TAS2R1: variants seen among roughly 807,000 people sequenced by gnomAD.
TAS2R1 encodes taste 2 receptor member 1.
For synonymous variants in TAS2R1, 141 were observed against 134.2 expected (o/e 1.05, Z -0.35); for missense variants, 370 against 353.4 (o/e 1.05, Z -0.38).
the TAS2R1 span, among the ~76,000 whole-genome samples, chr5:9,723,873 G>C: frequency 6.6e-6 from 1 of 152,194 alleles, no homozygotes; most frequent in East Asian, 1.9e-4. Flanking sequence ...AAGGAGTAGC[G>C]CTTGGACATT....
chr5:9,864,275 C>A, the TAS2R1 span, among the ~76,000 whole-genome samples: 4 of 152,172 alleles, frequency 2.6e-5, no homozygotes, highest in African/African-American at 7.2e-5. Context: ...TTCATGCCAA[C>A]TTTCCCACCC....
the TAS2R1 span, among the ~76,000 whole-genome samples, chr5:9,719,201 C>T: frequency 6.6e-6 from 1 of 152,086 alleles, no homozygotes; most frequent in Non-Finnish European, 1.5e-5. Flanking sequence ...GACCATGATA[C>T]ACATAACTTA....
chr5:9,810,293 G>A, the TAS2R1 span, among the ~76,000 whole-genome samples: 2 of 152,076 alleles, frequency 1.3e-5, no homozygotes, highest in Non-Finnish European at 1.5e-5. Flanking sequence ...ACATATTCTC[G>A]TCTCTGAAAA....
At chr5:9,778,568 G>A in the TAS2R1 span, among the ~76,000 whole-genome samples, 1 of 152,208 alleles carries the variant, frequency 6.6e-6, no homozygotes, top group African/African-American at 2.4e-5. Flanking sequence ...ATTTAGTTCA[G>A]TGACATTCAT....
At chr5:9,865,478 T>C in the TAS2R1 span, among the ~76,000 whole-genome samples, 1 of 152,204 alleles carries the variant, frequency 6.6e-6, no homozygotes, top group East Asian at 1.9e-4. Flanking sequence ...TTCATTTCAT[T>C]TCCATTTTCT....
chr5:9,696,327 A>AG (rs986941824), intron 1 of TAS2R1, among the ~76,000 whole-genome samples: 2 of 152,124 alleles, frequency 1.3e-5, no homozygotes, highest in Admixed American at 6.5e-5. Flanking sequence ...TGGGAGCCTG[A>AG]GGGGGGCAGA....
At chr5:9,841,505 G>T in the TAS2R1 span, among the ~76,000 whole-genome samples, 1 of 152,098 alleles carries the variant, frequency 6.6e-6, no homozygotes, top group African/African-American at 2.4e-5. Flanking sequence ...CTCATATCAT[G>T]AGTTGTAATA....
At chr5:9,846,327 T>C in the TAS2R1 span, among the ~76,000 whole-genome samples, 3 of 152,194 alleles carry the variant, frequency 2.0e-5, no homozygotes, top group Non-Finnish European at 4.4e-5. Context: ...GAAAAGTTTT[T>C]GGAGGGCGAC....
chr5:9,669,002 C>T (rs543060537), intron 1 of TAS2R1, among the ~76,000 whole-genome samples: 1 of 152,166 alleles, frequency 6.6e-6, no homozygotes, highest in South Asian at 2.1e-4. Flanking sequence ...CAACTATATG[C>T]TGTCTATAAG....
At chr5:9,748,264 G>C in the TAS2R1 span, among the ~76,000 whole-genome samples, 1 of 152,124 alleles carries the variant, frequency 6.6e-6, no homozygotes, top group Non-Finnish European at 1.5e-5. Context: ...ACGGAGTCTT[G>C]CTCTGTCACC....
intron 1 of TAS2R1, among the ~76,000 whole-genome samples, chr5:9,710,014 G>A (rs756158188): frequency 9.8e-5 from 15 of 152,308 alleles, no homozygotes; most frequent in Non-Finnish European, 1.8e-4. Flanking sequence ...TTTGGTCCAC[G>A]GAGTCTTTTG....
intron 1 of TAS2R1, chr5:9,659,945 A>G (rs1740496554): frequency 6.6e-6 from 1 of 152,192 alleles, no homozygotes; most frequent in South Asian, 2.1e-4. Context: ...AAGACTGGGT[A>G]ATGAATAACA....
At chr5:9,704,259 GCATTACCATTTCTT>G (rs1041870029) in intron 1 of TAS2R1, among the ~76,000 whole-genome samples, 4 of 151,722 alleles carry the variant, frequency 2.6e-5, no homozygotes, top group African/African-American at 9.7e-5. Context: ...TCAATTTTCT[GCATTACCATTTCTT>G]CCCTCAAAAA....
chr5:9,809,632 T>A, the TAS2R1 span, among the ~76,000 whole-genome samples: 1 of 152,188 alleles, frequency 6.6e-6, no homozygotes, highest in East Asian at 1.9e-4. Flanking sequence ...GTCTGATATT[T>A]TCTTGTAGCA....
At chr5:9,681,531 C>CA (rs10681888) in intron 1 of TAS2R1, among the ~76,000 whole-genome samples, 26,339 of 87,764 alleles carry the variant, frequency 0.3, 5,170 homozygotes, top group African/African-American at 0.47. Context: ...CATGTTTCTG[C>CA]AAAAAAAAAA....
upstream of TAS2R1, among the ~76,000 whole-genome samples, chr5:9,630,546 T>C (rs1472917336): frequency 6.6e-6 from 1 of 152,208 alleles, no homozygotes; most frequent in Non-Finnish European, 1.5e-5. Flanking sequence ...TTCTCCAATA[T>C]GCAATGGTTG....
the TAS2R1 span, among the ~76,000 whole-genome samples, chr5:9,780,984 T>A: frequency 1.1e-3 from 169 of 152,290 alleles, no homozygotes; most frequent in African/African-American, 4.0e-3. Flanking sequence ...ATTTCAAACT[T>A]GCCAGCTCCC....
At chr5:9,822,345 A>ATTTT in the TAS2R1 span, among the ~76,000 whole-genome samples, 1 of 109,792 alleles carries the variant, frequency 9.1e-6, no homozygotes, top group African/African-American at 3.5e-5. Flanking sequence ...TGCATGTGTA[A>ATTTT]TTTTTTTTTT....
the TAS2R1 span, among the ~76,000 whole-genome samples, chr5:9,776,935 C>A: frequency 5.1e-4 from 78 of 152,262 alleles, no homozygotes; most frequent in African/African-American, 1.7e-3. Context: ...ATAATGTAGT[C>A]TATTAAGTGT....
Sources: gnomAD v4.1 joint callset for allele counts (sites outside exome capture counted in the v4.1 genomes callset) on GRCh38, gnomAD v4.1.1 for gene constraint, MANE v1.5 for transcripts, NCBI Gene and HGNC (gene_info 2026-07-23, HGNC 2026-07-21) for gene names.